SUGCT: variants seen among roughly 807,000 people sequenced by gnomAD.
SUGCT encodes succinyl-CoA:glutarate CoA-transferase.
In SUGCT, 41 loss-of-function variants were observed where a neutral mutation model predicts 55.0. The observed-to-expected ratio is 0.74, with a 90% CI of 0.58 to 0.97. The LOEUF (loss-of-function observed/expected upper bound fraction) is 0.97. Ranked by LOEUF, SUGCT falls within the 50% of genes least tolerant of loss-of-function variation. The pLI is 0.00. For missense variants in SUGCT, 568 were observed against 547.8 expected (o/e 1.04, Z -0.37); for synonymous variants, 187 against 200.4 (o/e 0.93, Z 0.56).
intron 12 of SUGCT, among the ~76,000 whole-genome samples, chr7:40,627,165 G>A (rs959416808): frequency 6.6e-6 from 1 of 152,164 alleles, no homozygotes; most frequent in Non-Finnish European, 1.5e-5. Context: ...CAGATTCTTG[G>A]TGTTTTGAAG....
chr7:40,914,644 A>G, the SUGCT span, among the ~76,000 whole-genome samples: 1 of 152,130 alleles, frequency 6.6e-6, no homozygotes, highest in Admixed American at 6.5e-5. Context: ...GGCACTGAGA[A>G]CCCCTATTCA....
chr7:40,805,050 C>T (rs1311152444), intron 13 of SUGCT, among the ~76,000 whole-genome samples: 1 of 152,142 alleles, frequency 6.6e-6, no homozygotes, highest in African/African-American at 2.4e-5. Flanking sequence ...GATATGTCTA[C>T]ACGAAAGCAC....
rs143782917 is a variant in SUGCT, at chr7:40,227,461, T to C, written c.485-10174T>C. 8.2e-3 allele frequency among the ~76,000 whole-genome samples: 1,240 copies of C among 152,078 alleles called. 7 individuals carry two copies. The highest frequency in any genetic ancestry group is 0.014 in the South Asian group (69 of 4,794). On this transcript the variant is annotated intron_variant, in intron 6 of 13. Coordinates refer to ENST00000335693, the MANE Select transcript of SUGCT (RefSeq NM_001193313.2). ...ACTGCAGCCTCCTTGACCCCTTGGG[T>C]TCAAGAAATCCCCTCACTTCAGCCT...
intron 11 of SUGCT, among the ~76,000 whole-genome samples, chr7:40,493,784 G>T (rs932994609): frequency 3.9e-5 from 6 of 151,976 alleles, no homozygotes; most frequent in Admixed American, 3.9e-4. Context: ...CAGAATTTTT[G>T]TGGTTAATAA....
chr7:40,607,532 C>A (rs1333704634), intron 12 of SUGCT, among the ~76,000 whole-genome samples: 2 of 152,128 alleles, frequency 1.3e-5, no homozygotes, highest in Non-Finnish European at 2.9e-5. Context: ...TAAAAGTTAC[C>A]TTTATAATTA....
the SUGCT span, among the ~76,000 whole-genome samples, chr7:41,021,413 A>T: frequency 6.6e-6 from 1 of 152,182 alleles, no homozygotes; most frequent in Non-Finnish European, 1.5e-5. Flanking sequence ...ACTGTTTTGT[A>T]TGTTTGTAGT....
At chr7:40,396,298 G>A (rs1583591814) in intron 9 of SUGCT, among the ~76,000 whole-genome samples, 2 of 152,194 alleles carry the variant, frequency 1.3e-5, no homozygotes, top group Admixed American at 1.3e-4. Flanking sequence ...TGCAGATAAT[G>A]TTTTTATACC....
intron 12 of SUGCT, among the ~76,000 whole-genome samples, chr7:40,588,398 A>G (rs1401743266): frequency 2.0e-5 from 3 of 152,082 alleles, no homozygotes; most frequent in Admixed American, 6.6e-5. Context: ...TCATAAAACT[A>G]TAGATTAGTA....
intron 12 of SUGCT, chr7:40,499,235 A>G (rs1792155309): frequency 2.5e-6 from 1 of 396,472 alleles, no homozygotes; most frequent in South Asian, 1.8e-5. Flanking sequence ...TGATAAAGTG[A>G]AAAGGGGTAT....
intron 9 of SUGCT, among the ~76,000 whole-genome samples, chr7:40,391,471 A>G (rs1041259805): frequency 2.6e-5 from 4 of 152,230 alleles, no homozygotes; most frequent in Non-Finnish European, 5.9e-5. Context: ...AAAGTGGGCA[A>G]AGGATATGAA....
chr7:40,280,982 G>A (rs1367168509), intron 8 of SUGCT, among the ~76,000 whole-genome samples: 1 of 152,076 alleles, frequency 6.6e-6, no homozygotes, highest in East Asian at 1.9e-4. Flanking sequence ...ACTTCCGTGG[G>A]CCCTGGGAAC....
chr7:40,712,349 T>C (rs930894254), intron 12 of SUGCT, among the ~76,000 whole-genome samples: 1 of 152,344 alleles, frequency 6.6e-6, no homozygotes, highest in Non-Finnish European at 1.5e-5. Flanking sequence ...AGCTGTATTT[T>C]CTAGCCAAAT....
chr7:40,360,935 A>G (rs1000647449), intron 9 of SUGCT, among the ~76,000 whole-genome samples: 2 of 152,186 alleles, frequency 1.3e-5, no homozygotes, highest in African/African-American at 2.4e-5. Flanking sequence ...GTGCAAGGAA[A>G]TGGTGGCTAT....
chr7:40,889,508 A>G, the SUGCT span, among the ~76,000 whole-genome samples: 27 of 152,282 alleles, frequency 1.8e-4, no homozygotes, highest in East Asian at 5.2e-3. Context: ...GGGCCTGATC[A>G]TGAGCCTTAG....
rs144314580 is a variant in SUGCT at position 40,291,805 on chromosome 7, A to G, written c.720+17149A>G. ...AAACCACAGATTAGAGGGGAGTCTTATAGTTTGCGATGTGATAATGGTAGC... is the reference window on the plus strand; with the variant it reads ...AAACCACAGATTAGAGGGGAGTCTTGTAGTTTGCGATGTGATAATGGTAGC... On this transcript the variant is annotated intron_variant, in intron 8 of 13. Coordinates refer to ENST00000335693, the MANE Select transcript of SUGCT (RefSeq NM_001193313.2). Among the ~76,000 whole-genome samples, 438 of 152,246 alleles carry G rather than the reference A, an allele frequency of 2.9e-3. 12 individuals carry two copies. The highest frequency in any genetic ancestry group is 0.023 in the Admixed American group (345 of 15,280).
chr7:40,739,166 A>G (rs1173477558), intron 12 of SUGCT, among the ~76,000 whole-genome samples: 1 of 152,188 alleles, frequency 6.6e-6, no homozygotes, highest in Non-Finnish European at 1.5e-5. Context: ...TGACATTGAT[A>G]TAGTCAAGAT....
chr7:40,765,214 A>G (rs1443766443), intron 13 of SUGCT, among the ~76,000 whole-genome samples: 2 of 152,196 alleles, frequency 1.3e-5, no homozygotes, highest in African/African-American at 2.4e-5. Flanking sequence ...TAAGACAAAT[A>G]CAAACAACTG....
chr7:40,910,780 C>T, the SUGCT span, among the ~76,000 whole-genome samples: 2 of 152,144 alleles, frequency 1.3e-5, no homozygotes, highest in African/African-American at 2.4e-5. Flanking sequence ...TGACCAGCAC[C>T]CAGCATAGCC....
At chr7:40,200,205 A>G (rs965660948) in intron 6 of SUGCT, among the ~76,000 whole-genome samples, 2 of 152,134 alleles carry the variant, frequency 1.3e-5, no homozygotes, top group Non-Finnish European at 2.9e-5. Flanking sequence ...GATCTTCTGT[A>G]TATTCCTGGC....
Sources: gnomAD v4.1 joint callset for allele counts (sites outside exome capture counted in the v4.1 genomes callset) on GRCh38, gnomAD v4.1.1 for gene constraint, MANE v1.5 for transcripts, NCBI Gene and HGNC (gene_info 2026-07-23, HGNC 2026-07-21) for gene names.